The following CSMD3 variants were observed in gnomAD, a reference collection of about 807,000 sequenced individuals.
CSMD3 encodes CUB and sushi domain-containing protein 3.
A neutral mutation model predicts 435.2 loss-of-function variants in CSMD3; 177 were observed. That is an observed-to-expected ratio of 0.41 (90% CI 0.36 to 0.46). CSMD3 has a LOEUF of 0.46. Ranked by LOEUF, CSMD3 falls within the 20% of genes least tolerant of loss-of-function variation. The pLI is 0.34. For missense variants in CSMD3, 4,265 were observed against 4,504.6 expected, an observed-to-expected ratio of 0.95 and a Z score of 1.52; for synonymous variants, 1,656 against 1,520.5, an observed-to-expected ratio of 1.09 and a Z score of -2.07.
intron 16 of CSMD3, 108 bp from the exon 17 acceptor site, chr8:112,666,523 A>G (rs2075529840): frequency 1.1e-6 from 1 of 915,382 alleles, no homozygotes; most frequent in Non-Finnish European, 1.7e-6. Flanking sequence ...TCCTTATTAA[A>G]TAGTTAATAC....
intron 11 of CSMD3, among the ~76,000 whole-genome samples, chr8:112,831,965 C>G (rs1751154094): frequency 6.6e-6 from 1 of 152,018 alleles, no homozygotes; most frequent in Admixed American, 6.6e-5. Context: ...GATACTAATC[C>G]CTTACATTAT....
chr8:112,965,311 C>A (rs757770167), intron 7 of CSMD3, among the ~76,000 whole-genome samples: 5 of 151,936 alleles, frequency 3.3e-5, no homozygotes, highest in African/African-American at 7.2e-5. Flanking sequence ...CATCTCTGAT[C>A]TTTAAAGTTA....
At chr8:112,907,485 C>A (rs528415805) in intron 10 of CSMD3, among the ~76,000 whole-genome samples, 2 of 151,256 alleles carry the variant, frequency 1.3e-5, no homozygotes, top group African/African-American at 4.8e-5. Context: ...GACGTGTTTT[C>A]TCATCTATAA....
intron 62 of CSMD3, 64 bp from the exon 63 acceptor site, chr8:112,254,390 G>A: frequency 9.0e-7 from 1 of 1,109,912 alleles, no homozygotes; most frequent in East Asian, 2.4e-5. Flanking sequence ...TTCTCTCACA[G>A]AAAACAATTT....
At chr8:113,408,425 A>G (rs1383475646) in intron 1 of CSMD3, among the ~76,000 whole-genome samples, 1 of 152,218 alleles carries the variant, frequency 6.6e-6, no homozygotes, top group Non-Finnish European at 1.5e-5. Flanking sequence ...GGTGAATCCA[A>G]CAGGGTTAAT....
intron 26 of CSMD3, among the ~76,000 whole-genome samples, chr8:112,551,091 C>T (rs1375916445): frequency 6.6e-6 from 1 of 151,886 alleles, no homozygotes; most frequent in Non-Finnish European, 1.5e-5. Context: ...ATCACCTTTG[C>T]AAATTGTAGA....
At chr8:112,794,469 A>G (rs1359358835) in intron 13 of CSMD3, among the ~76,000 whole-genome samples, 2 of 151,418 alleles carry the variant, frequency 1.3e-5, no homozygotes, top group Non-Finnish European at 2.9e-5. Flanking sequence ...TAATTTTTGT[A>G]TTTTTAGTAG....
chr8:113,153,101 A>AAAGAAAAAG (rs35085690), intron 4 of CSMD3, among the ~76,000 whole-genome samples: 9 of 99,994 alleles, frequency 9.0e-5, no homozygotes, highest in African/African-American at 4.2e-4. Flanking sequence ...AGAAAGAAAG[A>AAAGAAAAAG]AAAGAAAGAA....
chr8:112,782,479 T>C (rs1218019855), intron 13 of CSMD3, among the ~76,000 whole-genome samples: 1 of 152,032 alleles, frequency 6.6e-6, no homozygotes, highest in African/African-American at 2.4e-5. Flanking sequence ...CTAAGAGTTA[T>C]TGCCTTTAAA....
intron 22 of CSMD3, among the ~76,000 whole-genome samples, chr8:112,633,188 A>G (rs1356280174): frequency 6.6e-6 from 1 of 152,052 alleles, no homozygotes; most frequent in African/African-American, 2.4e-5. Context: ...TTTAAGCAAC[A>G]TCAGATAAAT....
chr8:113,398,518 G>A (rs766713511), intron 1 of CSMD3, among the ~76,000 whole-genome samples: 4 of 151,966 alleles, frequency 2.6e-5, no homozygotes, highest in African/African-American at 9.7e-5. Context: ...AAGAATTGTC[G>A]ACATCCCAAA....
chr8:112,822,914 T>C (rs762298772), intron 12 of CSMD3, among the ~76,000 whole-genome samples: 1 of 152,170 alleles, frequency 6.6e-6, no homozygotes, highest in East Asian at 1.9e-4. Context: ...TGTCATTGGT[T>C]CTCTTTTGTG....
At chr8:113,060,658 A>G (rs2088573359) in intron 5 of CSMD3, among the ~76,000 whole-genome samples, 1 of 152,196 alleles carries the variant, frequency 6.6e-6, no homozygotes, top group Non-Finnish European at 1.5e-5. Context: ...ACTCTATTTT[A>G]CAAAAAATAT....
intron 22 of CSMD3, among the ~76,000 whole-genome samples, chr8:112,588,024 C>T (rs1224345575): frequency 1.3e-5 from 2 of 151,676 alleles, no homozygotes; most frequent in Admixed American, 6.6e-5. Context: ...AAGCTTGTGG[C>T]AATATTGCAA....
chr8:113,423,208 C>T (rs1408810927), intron 1 of CSMD3, among the ~76,000 whole-genome samples: 1 of 152,040 alleles, frequency 6.6e-6, no homozygotes, highest in East Asian at 1.9e-4. Flanking sequence ...CAAAAAGTGT[C>T]ACATTCTTGA....
Position 113,086,833 on chromosome 8 carries a change from T to A in CSMD3, c.917+11923A>T, listed in dbSNP as rs2089801474. Among the ~76,000 whole-genome samples, 3 of 152,196 alleles carry A rather than the reference T, an allele frequency of 2.0e-5. No homozygotes were observed. The South Asian group carries it at 6.2e-4, about 32-fold the overall frequency. The stretch of plus-strand genomic sequence containing the variant: ...TTGAAAATTGAGTTTTCAGTTTAAA[T>A]CAGTGTCCTATTGAGGACGTTCATT... On this transcript the variant is annotated intron_variant, in intron 5 of 70. Coordinates refer to ENST00000297405, the MANE Select transcript of CSMD3 (RefSeq NM_198123.2).
intron 35 of CSMD3, among the ~76,000 whole-genome samples, chr8:112,396,902 GA>G (rs2129845377): frequency 6.6e-6 from 1 of 152,254 alleles, no homozygotes; most frequent in Admixed American, 6.5e-5. Context: ...AGACTTCAAT[GA>G]AATGATGTAG....
chr8:112,926,435 A>G (rs1434226627), intron 9 of CSMD3, among the ~76,000 whole-genome samples: 1 of 152,136 alleles, frequency 6.6e-6, no homozygotes, highest in Admixed American at 6.5e-5. Context: ...CTGATACAAC[A>G]TTTCAAAACA....
intron 27 of CSMD3, among the ~76,000 whole-genome samples, chr8:112,550,187 CTTTAA>C (rs942081292): frequency 1.4e-4 from 21 of 151,866 alleles, no homozygotes; most frequent in Admixed American, 1.2e-3. Context: ...TATAGAAAAT[CTTTAA>C]TTTAAAAGCC....
Sources: gnomAD v4.1 joint callset for allele counts (sites outside exome capture counted in the v4.1 genomes callset) on GRCh38, gnomAD v4.1.1 for gene constraint, MANE v1.5 for transcripts, NCBI Gene and HGNC (gene_info 2026-07-23, HGNC 2026-07-21) for gene names.